The following FBXO36 variants were observed in gnomAD, a reference collection of about 807,000 sequenced individuals.
The protein encoded by FBXO36 is F-box protein 36, also known as F-box only protein 36.
Under a neutral mutation model 17.0 loss-of-function variants are expected in FBXO36, and 18 were observed. That is an observed-to-expected ratio of 1.06 (90% CI 0.73 to 1.57). The LOEUF (loss-of-function observed/expected upper bound fraction) is 1.57, where lower values mean the gene tolerates loss of function less well. Among genes scored for constraint, FBXO36 ranks in the 40% most tolerant of loss-of-function variants. The probability of loss-of-function intolerance (pLI) is 0.00; values close to 1 mark genes in which losing one functional copy is unlikely to be tolerated. For missense variants in FBXO36, 229 were observed against 221.9 expected, an observed-to-expected ratio of 1.03 and a Z score of -0.20; for synonymous variants, 83 against 85.3, an observed-to-expected ratio of 0.97 and a Z score of 0.15.
At chr2:229,945,602 G>T (rs1185899772) in intron 1 of FBXO36, among the ~76,000 whole-genome samples, 2 of 151,810 alleles carry the variant, frequency 1.3e-5, no homozygotes, top group Non-Finnish European at 2.9e-5. Flanking sequence ...CACCACACCT[G>T]ACCTAAATCA....
rs2077207968 is a variant in FBXO36, at chr2:229,976,303, A to C, written c.159A>C (p.Glu53Asp). Reference protein sequence around the residue: ...RSEYRSTKPGEAKETHEDFLE... With the variant: ...RSEYRSTKPGDAKETHEDFLE... ...AGTATCGATCAACAAAACCTGGAGAAGCAAAAGAAACCCATGAAGACTTCC... is the reference window on the plus strand; with the variant it reads ...AGTATCGATCAACAAAACCTGGAGACGCAAAAGAAACCCATGAAGACTTCC... Residue 53 changes from glutamate (E) to aspartate (D), a missense_variant, in exon 2 of 4, where the codon GAA becomes GAC. Glu to Asp is a conservative substitution (Grantham distance 45, BLOSUM62 2). Coordinates refer to ENST00000283946, the MANE Select transcript of FBXO36 (RefSeq NM_174899.5). The C allele has an allele frequency of 6.2e-7, 1 of 1,613,892 alleles. No homozygotes were observed. The highest frequency in any genetic ancestry group is 1.7e-5 in the Admixed American group (1 of 60,006).
chr2:229,938,221 T>TC (rs947088573), intron 1 of FBXO36, among the ~76,000 whole-genome samples: 6 of 138,064 alleles, frequency 4.3e-5, no homozygotes, highest in African/African-American at 1.6e-4. Flanking sequence ...ACTTTCTTTT[T>TC]TTTTTTTTTT....
chr2:229,965,801 T>A (rs1373384190), intron 1 of FBXO36, among the ~76,000 whole-genome samples: 1 of 152,178 alleles, frequency 6.6e-6, no homozygotes, highest in Non-Finnish European at 1.5e-5. Flanking sequence ...TGGTTCCAAG[T>A]CTTTGCTATT....
At position 229,934,355 on chromosome 2, in the gene FBXO36, C is replaced by T. The variant is rs891953682; in HGVS notation, c.96+11746C>T. ...GGCGGAGCTTGCAGTGAGCCGAGAT[C>T]GCACCACTGCACTCCAGCCTGGGCG... On this transcript the variant is annotated intron_variant, in intron 1 of 3. Coordinates refer to ENST00000283946, the MANE Select transcript of FBXO36 (RefSeq NM_174899.5). 3.3e-5 allele frequency among the ~76,000 whole-genome samples: 5 copies of T among 152,166 alleles called. 1 individual carries two copies. Among genetic ancestry groups the T allele is most frequent in the Non-Finnish European group, 5.9e-5 (4 of 67,980 alleles).
At chr2:229,952,819 A>G (rs1363616814) in intron 1 of FBXO36, among the ~76,000 whole-genome samples, 1 of 152,190 alleles carries the variant, frequency 6.6e-6, no homozygotes, top group African/African-American at 2.4e-5. Flanking sequence ...ATAACGAACT[A>G]CAGATGGGAT....
chr2:229,978,934 T>G (rs1165656233), intron 2 of FBXO36, among the ~76,000 whole-genome samples: 2 of 152,090 alleles, frequency 1.3e-5, no homozygotes, highest in African/African-American at 4.8e-5. Flanking sequence ...GCCAGCACTT[T>G]GGGAGGCCCA....
At chr2:230,000,492 G>A (rs1187921725) in intron 3 of FBXO36, among the ~76,000 whole-genome samples, 1 of 151,504 alleles carries the variant, frequency 6.6e-6, no homozygotes, top group Non-Finnish European at 1.5e-5. Flanking sequence ...GCCTGGATTT[G>A]ATTTTCTATC....
At chr2:229,945,433 A>C (rs1007024304) in intron 1 of FBXO36, among the ~76,000 whole-genome samples, 1 of 151,974 alleles carries the variant, frequency 6.6e-6, no homozygotes, top group African/African-American at 2.4e-5. Context: ...TTGCCTCCCG[A>C]GTAGCTGGGA....
rs556483591 is a variant in FBXO36 at position 229,985,776 on chromosome 2, C to T, written c.205+9427C>T. On this transcript the variant is annotated intron_variant, in intron 2 of 3. Coordinates refer to ENST00000283946, the MANE Select transcript of FBXO36 (RefSeq NM_174899.5). ...AATTTGAAAAGTTTTAGGTTAAGCA[C>T]TGTGGCTCATGCCTGTAATCCCAGC... is the stretch of plus-strand genomic sequence containing the variant. Among the ~76,000 whole-genome samples, 4 of 152,344 alleles carry T rather than the reference C, an allele frequency of 2.6e-5. No homozygotes were observed. The East Asian group carries it at 7.7e-4, about 29-fold the overall frequency.
intron 3 of FBXO36, among the ~76,000 whole-genome samples, chr2:230,007,381 T>C (rs1053656510): frequency 6.6e-6 from 1 of 152,178 alleles, no homozygotes; most frequent in African/African-American, 2.4e-5. Flanking sequence ...CTTTGTTGGC[T>C]GTGGAGAGAG....
At chr2:229,980,221 T>G (rs959457451) in intron 2 of FBXO36, among the ~76,000 whole-genome samples, 2 of 151,436 alleles carry the variant, frequency 1.3e-5, no homozygotes, top group Non-Finnish European at 3.0e-5. Context: ...CCACCACACC[T>G]GGCTAATTTT....
intron 3 of FBXO36, among the ~76,000 whole-genome samples, chr2:230,000,374 AAAAAG>A (rs2077351830): frequency 6.6e-6 from 1 of 151,224 alleles, no homozygotes; most frequent in African/African-American, 2.4e-5. Context: ...AAAAAAAAAA[AAAAAG>A]AAGCAGCAGC....
chr2:229,993,127 A>G (rs1451086020), intron 2 of FBXO36, among the ~76,000 whole-genome samples: 1 of 152,220 alleles, frequency 6.6e-6, no homozygotes, highest in Non-Finnish European at 1.5e-5. Flanking sequence ...AAGAAAATCA[A>G]CATATTTTAC....
In FBXO36 at chr2:230,012,552, C is replaced by A. The variant is rs2077420784; in HGVS notation, c.*1668C>A. The A allele has an allele frequency of 1.3e-5, 2 of 151,912 alleles. No homozygotes were observed. The highest frequency in any genetic ancestry group is 2.9e-5 in the Non-Finnish European group (2 of 67,960). 9.4% of individuals were successfully genotyped at this position (151,912 alleles called of 1,614,324 possible). A position where few individuals can be genotyped will look rare whatever the true frequency, so the allele number is the denominator to read the frequency against. ...TGTCAAGAGACCCAGGCCTCATTCTCCACTTAGGAGAGTTTGCTAGGGCAG... is the reference window on the plus strand; with the variant it reads ...TGTCAAGAGACCCAGGCCTCATTCTACACTTAGGAGAGTTTGCTAGGGCAG... On this transcript the variant is annotated 3_prime_UTR_variant, in exon 4 of 4. Transcript: ENST00000283946.
intron 1 of FBXO36, among the ~76,000 whole-genome samples, chr2:229,975,570 G>T (rs1273981555): frequency 6.6e-6 from 1 of 150,978 alleles, no homozygotes; most frequent in African/African-American, 2.4e-5. Flanking sequence ...AACCTCACGG[G>T]CTCAGGGGAT....
At chr2:230,005,553 C>T (rs2077382832) in intron 3 of FBXO36, among the ~76,000 whole-genome samples, 1 of 152,134 alleles carries the variant, frequency 6.6e-6, no homozygotes, top group Non-Finnish European at 1.5e-5. Flanking sequence ...TTGAAATATG[C>T]ATGATATAGG....
intron 1 of FBXO36, among the ~76,000 whole-genome samples, chr2:229,940,735 G>A (rs896219150): frequency 1.3e-5 from 2 of 152,158 alleles, no homozygotes; most frequent in Non-Finnish European, 2.9e-5. Flanking sequence ...AAGATTTTCA[G>A]CAAACTAGCA....
intron 1 of FBXO36, among the ~76,000 whole-genome samples, chr2:229,937,536 A>G (rs775088014): frequency 2.6e-5 from 4 of 152,000 alleles, no homozygotes; most frequent in Non-Finnish European, 5.9e-5. Flanking sequence ...AAAACCAATA[A>G]CTTTTCATCT....
In FBXO36 at chr2:229,924,929, C is replaced by T. The variant is rs867719702; in HGVS notation, c.96+2320C>T. ...GATTACAGGCGCCCGCCACCACGCC[C>T]GGCTAATTTTTTGTATTTTTAGTTG... is the stretch of plus-strand genomic sequence containing the variant. On this transcript the variant is annotated intron_variant, in intron 1 of 3. Coordinates refer to ENST00000283946, the MANE Select transcript of FBXO36 (RefSeq NM_174899.5). Among the ~76,000 whole-genome samples the T allele has an allele frequency of 1.3e-4, 20 of 152,088 alleles. No individual in the cohort carries two copies. The South Asian group carries it at 2.7e-3, about 21-fold the overall frequency.
Sources: allele counts gnomAD v4.1 joint callset (sites outside exome capture counted in the v4.1 genomes callset), GRCh38; gene constraint gnomAD v4.1.1; transcripts MANE v1.5; gene names NCBI Gene and HGNC (gene_info 2026-07-23, HGNC 2026-07-21).